DYNC1LI1: variants seen among roughly 807,000 people sequenced by gnomAD.
DYNC1LI1 encodes cytoplasmic dynein 1 light intermediate chain 1.
DYNC1LI1 carries 19 observed loss-of-function variants against 63.8 expected under a neutral mutation model. That is an observed-to-expected ratio of 0.30 (90% CI 0.21 to 0.44). DYNC1LI1 has a LOEUF of 0.44. Ranked by LOEUF, DYNC1LI1 falls within the 20% of genes least tolerant of loss-of-function variation. DYNC1LI1 has a pLI of 1.00. For missense variants in DYNC1LI1, 565 were observed against 630.2 expected, an observed-to-expected ratio of 0.90 and a Z score of 1.11; for synonymous variants, 225 against 232.3, an observed-to-expected ratio of 0.97 and a Z score of 0.28.
chr3:32,546,789 G>A (rs1287532402), intron 2 of DYNC1LI1, among the ~76,000 whole-genome samples: 6 of 152,222 alleles, frequency 3.9e-5, no homozygotes, highest in African/African-American at 9.6e-5. Flanking sequence ...TAATAAATAC[G>A]TAGCAGGAGA....
At chr3:32,540,380 A>C (rs1175299967) in intron 5 of DYNC1LI1, among the ~76,000 whole-genome samples, 2 of 152,032 alleles carry the variant, frequency 1.3e-5, no homozygotes, top group Non-Finnish European at 2.9e-5. Flanking sequence ...TAGAGAATAT[A>C]TAAAAATTTA....
intron 2 of DYNC1LI1, among the ~76,000 whole-genome samples, chr3:32,547,856 T>C (rs752793494): frequency 1.3e-5 from 2 of 152,294 alleles, no homozygotes; most frequent in East Asian, 1.9e-4. Context: ...ATCAACCTAA[T>C]TGTCCATCAA....
chr3:32,528,472 C>T lies in DYNC1LI1; in HGVS notation c.1436G>A (p.Gly479Asp). The change falls in exon 12 of 13, where the codon GGT becomes GAT. Residue 479 changes from glycine to aspartate, a missense_variant. By Grantham distance (94) the Gly-to-Asp change is moderately conservative. Coordinates refer to ENST00000273130, the MANE Select transcript of DYNC1LI1 (RefSeq NM_016141.4). ...PAGGAGGGSS[G>D]LPPSTKKSGQ... ...TGACTTTTTGGTGGATGGTGGTAAA[C>T]CACTGCTTCCACCTCCAGCCCCACC... The T allele has an allele frequency of 1.2e-6, 2 of 1,614,178 alleles. No homozygotes were observed. The highest frequency in any genetic ancestry group is 1.7e-6 in the Non-Finnish European group (2 of 1,180,026).
In DYNC1LI1 at chr3:32,530,886, G is replaced by C. The variant is rs138440021; in HGVS notation, c.1081-366C>G. The C allele has an allele frequency of 2.0e-4, 36 of 176,062 alleles. No homozygotes were observed. The East Asian group carries it at 4.8e-3, about 23-fold the overall frequency. 10.9% of individuals were successfully genotyped at this position (176,062 alleles called of 1,614,324 possible). A position where few individuals can be genotyped will look rare whatever the true frequency, so the allele number is the denominator to read the frequency against. ...TACCGTATTGAACAGCACAACCCTA[G>C]AGTCACAAGCATATTAATCATGCTT... On this transcript the variant is annotated intron_variant, in intron 8 of 12. Transcript: ENST00000273130.
At chr3:32,531,901 T>A (rs1174990335) in intron 8 of DYNC1LI1, 1 of 152,184 alleles carries the variant, frequency 6.6e-6, no homozygotes, top group Non-Finnish European at 1.5e-5. Flanking sequence ...GCATTAATAC[T>A]TATCAGTTCA....
At chr3:32,544,237 G>A (rs967988275) in intron 4 of DYNC1LI1, among the ~76,000 whole-genome samples, 2 of 151,922 alleles carry the variant, frequency 1.3e-5, no homozygotes, top group African/African-American at 2.4e-5. Flanking sequence ...CATCTTTCTA[G>A]GCACATTTCA....
chr3:32,570,629 G>A lies in DYNC1LI1; in HGVS notation c.142C>T (p.Leu48Phe). 6.3e-7 allele frequency: 1 copy of A among 1,576,590 alleles called. No homozygotes were observed. The highest frequency in any genetic ancestry group is 8.6e-7 in the Non-Finnish European group (1 of 1,161,466). The change falls in exon 1 of 13, where the codon CTT (leucine) becomes TTT (phenylalanine). Residue 48 changes from leucine (L) to phenylalanine (F), a missense_variant. Leu to Phe is a conservative substitution (Grantham distance 22). Transcript: ENST00000273130. ...AGGGAGAGGTGGAGTCGTTACCAAAGGTTCTGCCCGTCCTCGTCGTCGCCT... is the reference window on the plus strand; with the variant it reads ...AGGGAGAGGTGGAGTCGTTACCAAAAGTTCTGCCCGTCCTCGTCGTCGCCT... ...AAGDDEDGQN[L>F]WSCILSEVST... is the part of the protein sequence containing the mutation.
intron 2 of DYNC1LI1, 115 bp downstream of exon 2, chr3:32,570,231 C>T (rs1449966162): frequency 3.5e-6 from 3 of 866,630 alleles, no homozygotes; most frequent in East Asian, 5.4e-5. Flanking sequence ...GGAGGCGAGG[C>T]GGGGCGGGGC....
chr3:32,568,285 C>T (rs1575162491), intron 2 of DYNC1LI1, among the ~76,000 whole-genome samples: 1 of 152,172 alleles, frequency 6.6e-6, no homozygotes, highest in African/African-American at 2.4e-5. Flanking sequence ...TCCACCAGCA[C>T]AGAGTGAATG....
At chr3:32,565,620 C>CT (rs1483423954) in intron 2 of DYNC1LI1, among the ~76,000 whole-genome samples, 2 of 151,820 alleles carry the variant, frequency 1.3e-5, no homozygotes, top group Non-Finnish European at 2.9e-5. Context: ...ATTTTTCTTT[C>CT]TTTTTTTTGA....
chr3:32,540,646 A>C (rs1433685910), intron 5 of DYNC1LI1, among the ~76,000 whole-genome samples: 1 of 149,014 alleles, frequency 6.7e-6, no homozygotes, highest in Non-Finnish European at 1.5e-5. Context: ...GTTCCATTGT[A>C]CTCCAGCCTG....
chr3:32,532,719 C>G (rs1697717795), intron 8 of DYNC1LI1: 4 of 337,116 alleles, frequency 1.2e-5, no homozygotes, highest in Non-Finnish European at 1.9e-5. Flanking sequence ...ATTTCCAAAG[C>G]ACTATATTAG....
At chr3:32,534,988 T>C (rs989795335) in intron 6 of DYNC1LI1, among the ~76,000 whole-genome samples, 1 of 152,226 alleles carries the variant, frequency 6.6e-6, no homozygotes, top group African/African-American at 2.4e-5. Flanking sequence ...CTAAACTTCA[T>C]AGAGGGGATA....
chr3:32,544,743 C>CAAAA, intron 4 of DYNC1LI1, 133 bp downstream of exon 4: 2 of 555,096 alleles, frequency 3.6e-6, no homozygotes, highest in Non-Finnish European at 6.1e-6. Context: ...CTCTTGTCTC[C>CAAAA]AAAAAAAAAA....
At chr3:32,543,182 G>C (rs1468616593) in intron 4 of DYNC1LI1, among the ~76,000 whole-genome samples, 1 of 151,208 alleles carries the variant, frequency 6.6e-6, no homozygotes, top group Non-Finnish European at 1.5e-5. Context: ...GATAAATCTA[G>C]ACTTAGGGAA....
chr3:32,541,720 G>C (rs567448136), intron 4 of DYNC1LI1, among the ~76,000 whole-genome samples: 1 of 152,280 alleles, frequency 6.6e-6, no homozygotes, highest in African/African-American at 2.4e-5. Context: ...TACCAGTGCT[G>C]ATCAGTTTTT....
At chr3:32,551,393 T>C (rs1254192466) in intron 2 of DYNC1LI1, among the ~76,000 whole-genome samples, 6 of 152,088 alleles carry the variant, frequency 3.9e-5, no homozygotes, top group East Asian at 1.9e-4. Flanking sequence ...TTTGAATGCA[T>C]GAGATTTAGG....
intron 7 of DYNC1LI1, among the ~76,000 whole-genome samples, chr3:32,533,908 G>A (rs1403045515): frequency 1.5e-5 from 2 of 136,280 alleles, no homozygotes; most frequent in Admixed American, 8.1e-5. Context: ...ATGGAGTCTC[G>A]ATCTGTCACC....
At chr3:32,552,919 T>C (rs1698064262) in intron 2 of DYNC1LI1, among the ~76,000 whole-genome samples, 1 of 152,116 alleles carries the variant, frequency 6.6e-6, no homozygotes, top group South Asian at 2.1e-4. Context: ...TTGGCCAGGA[T>C]CTCTTGACCT....
Sources: allele counts gnomAD v4.1 joint callset (sites outside exome capture counted in the v4.1 genomes callset), GRCh38; gene constraint gnomAD v4.1.1; transcripts MANE v1.5; gene names NCBI Gene and HGNC (gene_info 2026-07-23, HGNC 2026-07-21).